Variants in KCNT2 observed in about 807,000 individuals in gnomAD.
KCNT2 encodes potassium sodium-activated channel subfamily T member 2.
Under a neutral mutation model 153.8 loss-of-function variants are expected in KCNT2, and 67 were observed. The observed-to-expected ratio is 0.44, with a 90% confidence interval of 0.36 to 0.53. The LOEUF (loss-of-function observed/expected upper bound fraction) is 0.53, where lower values mean the gene tolerates loss of function less well. Among genes scored for constraint, KCNT2 ranks in the 20% least tolerant of loss-of-function variants. The pLI, the probability that KCNT2 is intolerant of heterozygous loss-of-function variation, is 0.00. For synonymous variants in KCNT2, 500 were observed against 458.8 expected, an observed-to-expected ratio of 1.09 and a Z score of -1.15; for missense variants, 975 against 1,354.8, an observed-to-expected ratio of 0.72 and a Z score of 4.40.
At position 196,485,922 on chromosome 1, in the gene KCNT2, T is replaced by G. The variant is rs562413543; in HGVS notation, c.276-3543A>C. 1.0e-3 allele frequency among the ~76,000 whole-genome samples: 154 copies of G among 151,926 alleles called. 1 individual carries two copies. Among genetic ancestry groups the G allele is most frequent in the Admixed American group, 2.0e-3 (31 of 15,206 alleles). On this transcript the variant is annotated intron_variant, in intron 3 of 27. Coordinates refer to ENST00000294725, the MANE Select transcript of KCNT2 (RefSeq NM_198503.5). ...ATTTCAAATGAAAATTTAATCTCAT[T>G]GATAAAAAAAACACTAGGAGGAAAG...
At chr1:196,578,166 AACCT>A (rs1661591568) in intron 1 of KCNT2, among the ~76,000 whole-genome samples, 1 of 14,598 alleles carries the variant, frequency 6.9e-5, no homozygotes, top group Non-Finnish European at 1.4e-3. Flanking sequence ...AAAATTAGGA[AACCT>A]GCAGTCTTAC....
intron 12 of KCNT2, among the ~76,000 whole-genome samples, chr1:196,417,402 A>C (rs1034932879): frequency 6.6e-6 from 1 of 152,068 alleles, no homozygotes; most frequent in African/African-American, 2.4e-5. Context: ...ATACATGTAC[A>C]TAGTCCAAAA....
At chr1:196,603,981 G>T (rs906131002) in intron 1 of KCNT2, among the ~76,000 whole-genome samples, 5 of 152,180 alleles carry the variant, frequency 3.3e-5, no homozygotes, top group Non-Finnish European at 7.4e-5. Flanking sequence ...GTGAATCATA[G>T]AAATATTAAA....
At chr1:196,546,673 T>G (rs1657142859) in intron 1 of KCNT2, among the ~76,000 whole-genome samples, 1 of 152,018 alleles carries the variant, frequency 6.6e-6, no homozygotes, top group Non-Finnish European at 1.5e-5. Flanking sequence ...CAAAACCTAT[T>G]CTACTGTGGT....
Position 196,255,831 on chromosome 1 carries a change from T to A in KCNT2, c.3211+2363A>T, listed in dbSNP as rs564002122. 5.9e-5 allele frequency among the ~76,000 whole-genome samples: 9 copies of A among 151,920 alleles called. No homozygotes were observed. In the South Asian group the frequency reaches 1.7e-3, roughly 28 times the overall value. On this transcript the variant is annotated intron_variant, in intron 26 of 27. Coordinates refer to ENST00000294725, the MANE Select transcript of KCNT2 (RefSeq NM_198503.5). ...TCTTTTGGGAGTAGGTATATGTATA[T>A]CTCAGATAATAAATGCATGAGAATT...
In KCNT2 at chr1:196,552,159, G is replaced by GA. The variant is rs1391798648; in HGVS notation, c.95+56055dup. Among the ~76,000 whole-genome samples the GA allele has an allele frequency of 1.1e-4, 16 of 150,942 alleles. No homozygotes were observed. In the South Asian group the frequency reaches 1.5e-3, roughly 14 times the overall value. On this transcript the variant is annotated intron_variant, in intron 1 of 27. Transcript: ENST00000294725. ...TAACTAAAATAAATAGAAAAAATGAGAAAAAAAGTAAATATTTTATGCCAA... is the reference window on the plus strand; with the variant it reads ...TAACTAAAATAAATAGAAAAAATGAGAAAAAAAAGTAAATATTTTATGCCAA...
intron 8 of KCNT2, among the ~76,000 whole-genome samples, chr1:196,430,301 T>C (rs922617061): frequency 6.6e-6 from 1 of 151,784 alleles, no homozygotes; most frequent in Non-Finnish European, 1.5e-5. Context: ...CATTAAGAGG[T>C]GTTTAGGTCA....
At chr1:196,337,630 T>A (rs916982679) in intron 16 of KCNT2, among the ~76,000 whole-genome samples, 7 of 152,042 alleles carry the variant, frequency 4.6e-5, no homozygotes, top group African/African-American at 1.7e-4. Context: ...CCAGCCAGGC[T>A]CCCACTTTAG....
intron 13 of KCNT2, 83 bp downstream of exon 13, chr1:196,398,480 C>T (rs924412402): frequency 4.8e-6 from 3 of 623,822 alleles, no homozygotes; most frequent in African/African-American, 3.8e-5. Flanking sequence ...CTTTAAGTTG[C>T]CACTTAGTTC....
intron 1 of KCNT2, among the ~76,000 whole-genome samples, chr1:196,545,473 T>C (rs1362491540): frequency 6.6e-6 from 1 of 152,044 alleles, no homozygotes; most frequent in Non-Finnish European, 1.5e-5. Flanking sequence ...CTGGAGAGGT[T>C]GCTAAGCAAG....
At chr1:196,272,652 G>A (rs956538622) in intron 25 of KCNT2, among the ~76,000 whole-genome samples, 2 of 151,840 alleles carry the variant, frequency 1.3e-5, no homozygotes, top group Non-Finnish European at 2.9e-5. Context: ...CACAGGAAGC[G>A]ATTAACGCCC....
intron 14 of KCNT2, among the ~76,000 whole-genome samples, chr1:196,347,193 G>C (rs1411381322): frequency 6.6e-6 from 1 of 152,022 alleles, no homozygotes; most frequent in African/African-American, 2.4e-5. Flanking sequence ...CCAAGTTTTT[G>C]TACCTTTATT....
rs1396959275 is a variant in KCNT2 at position 196,450,187 on chromosome 1, C to T, written c.638+15106G>A. ...GTTTTAGATACCATAGGTGAAGACCCTATCTACTAACACATTGTGTCTTTC... is the reference window on the plus strand; with the variant it reads ...GTTTTAGATACCATAGGTGAAGACCTTATCTACTAACACATTGTGTCTTTC... On this transcript the variant is annotated intron_variant, in intron 8 of 27. Transcript: ENST00000294725. Among the ~76,000 whole-genome samples, 3 of 151,830 alleles carry T rather than the reference C, an allele frequency of 2.0e-5. No individual in the cohort carries two copies. The East Asian group carries it at 5.8e-4, about 30-fold the overall frequency.
intron 23 of KCNT2, 60 bp downstream of exon 23, chr1:196,285,597 A>T: frequency 9.4e-7 from 1 of 1,062,440 alleles, no homozygotes; most frequent in East Asian, 2.5e-5. Context: ...TTATTCATTT[A>T]AATAAAATCT....
At chr1:196,398,475 A>C in intron 13 of KCNT2, 88 bp downstream of exon 13, 1 of 613,700 alleles carries the variant, frequency 1.6e-6, no homozygotes, top group Non-Finnish European at 2.9e-6. Flanking sequence ...GAATACTTTA[A>C]GTTGCCACTT....
intron 5 of KCNT2, among the ~76,000 whole-genome samples, chr1:196,473,715 T>C (rs1678288931): frequency 6.6e-6 from 1 of 152,098 alleles, no homozygotes; most frequent in Non-Finnish European, 1.5e-5. Context: ...TTCTTAAAAA[T>C]AGCTAATGAA....
At chr1:196,556,811 T>C (rs556020619) in intron 1 of KCNT2, among the ~76,000 whole-genome samples, 2 of 151,404 alleles carry the variant, frequency 1.3e-5, no homozygotes, top group East Asian at 3.9e-4. Flanking sequence ...AAAAAGAATA[T>C]GATTTTGTCA....
At chr1:196,424,554 C>T (rs1029142684) in intron 11 of KCNT2, among the ~76,000 whole-genome samples, 6 of 151,982 alleles carry the variant, frequency 3.9e-5, no homozygotes, top group Admixed American at 1.3e-4. Context: ...AGAACTGTCA[C>T]ATGTACAATG....
intron 22 of KCNT2, among the ~76,000 whole-genome samples, chr1:196,287,651 T>C (rs1659791088): frequency 6.6e-6 from 1 of 152,230 alleles, no homozygotes; most frequent in Non-Finnish European, 1.5e-5. Flanking sequence ...TTCCATTCAC[T>C]ATTAAAGTCC....
Sources: allele counts gnomAD v4.1 joint callset (sites outside exome capture counted in the v4.1 genomes callset), GRCh38; gene constraint gnomAD v4.1.1; transcripts MANE v1.5; gene names NCBI Gene and HGNC (gene_info 2026-07-23, HGNC 2026-07-21).